AUH: variants seen among roughly 807,000 people sequenced by gnomAD.
The protein encoded by AUH is methylglutaconyl-CoA hydratase, mitochondrial.
A neutral mutation model predicts 42.3 loss-of-function variants in AUH; 29 were observed. That is an observed-to-expected ratio of 0.69 (90% CI 0.51 to 0.93). The LOEUF (loss-of-function observed/expected upper bound fraction) is 0.93. AUH is among the 40% of genes least tolerant of loss of function. The probability of loss-of-function intolerance (pLI) is 0.00; values close to 1 mark genes in which losing one functional copy is unlikely to be tolerated. For missense variants in AUH, 452 were observed against 438.1 expected, an observed-to-expected ratio of 1.03 and a Z score of -0.28; for synonymous variants, 174 against 166.4, an observed-to-expected ratio of 1.05 and a Z score of -0.35.
Position 91,359,895 on chromosome 9 carries a change from A to G in AUH, c.262+1733T>C, listed in dbSNP as rs17503822. 4.9e-3 allele frequency among the ~76,000 whole-genome samples: 740 copies of G among 152,322 alleles called. 4 individuals are homozygous for G. Among genetic ancestry groups the G allele is most frequent in the Admixed American group, 8.2e-3 (125 of 15,300 alleles). ...GCTGGTTCAACAGTAAAGCAAAGCA[A>G]AGCCTAGGTAATGTTAGCCAAGCCT... On this transcript the variant is annotated intron_variant, in intron 1 of 9. Coordinates refer to ENST00000375731, the MANE Select transcript of AUH (RefSeq NM_001698.3).
At chr9:91,350,429 T>C (rs1212139414) in intron 3 of AUH, among the ~76,000 whole-genome samples, 1 of 152,224 alleles carries the variant, frequency 6.6e-6, no homozygotes, top group East Asian at 1.9e-4. Flanking sequence ...TGAATTATTC[T>C]ATAGGAACTC....
At chr9:91,332,384 C>G (rs2131908435) in intron 3 of AUH, among the ~76,000 whole-genome samples, 1 of 152,234 alleles carries the variant, frequency 6.6e-6, no homozygotes, top group East Asian at 1.9e-4. Context: ...TGCCTGTAAT[C>G]TCGGCTACTT....
At chr9:91,308,461 C>G (rs1329708740) in intron 4 of AUH, among the ~76,000 whole-genome samples, 1 of 152,212 alleles carries the variant, frequency 6.6e-6, no homozygotes, top group African/African-American at 2.4e-5. Context: ...TCATTCTCCA[C>G]CATTCTTGAT....
At chr9:91,296,706 T>C (rs1034776406) in intron 5 of AUH, among the ~76,000 whole-genome samples, 6 of 152,250 alleles carry the variant, frequency 3.9e-5, no homozygotes, top group African/African-American at 7.2e-5. Context: ...ATGGATTACA[T>C]GTACCTTAGC....
At chr9:91,336,674 G>A (rs1360134686) in intron 3 of AUH, among the ~76,000 whole-genome samples, 8 of 148,648 alleles carry the variant, frequency 5.4e-5, no homozygotes, top group Middle Eastern at 3.5e-3. Flanking sequence ...ACACAGACTC[G>A]GTCTCCAGAA....
chr9:91,321,975 A>C (rs1829614005), intron 4 of AUH, among the ~76,000 whole-genome samples: 1 of 152,170 alleles, frequency 6.6e-6, no homozygotes, highest in Admixed American at 6.6e-5. Context: ...CCTGCCTGTG[A>C]TTTTTAACAT....
intron 3 of AUH, among the ~76,000 whole-genome samples, chr9:91,330,615 TA>T (rs1191954900): frequency 6.6e-6 from 1 of 152,110 alleles, no homozygotes. Context: ...TGATGTGTAC[TA>T]AAAGACATGT....
intron 6 of AUH, among the ~76,000 whole-genome samples, chr9:91,261,365 C>G (rs953680492): frequency 8.5e-5 from 13 of 152,200 alleles, no homozygotes; most frequent in Admixed American, 7.9e-4. Context: ...CCTACCAAAG[C>G]ATAATCCTTC....
At chr9:91,271,041 AG>A (rs1449264235) in intron 6 of AUH, among the ~76,000 whole-genome samples, 1 of 152,232 alleles carries the variant, frequency 6.6e-6, no homozygotes, top group Admixed American at 6.5e-5. Flanking sequence ...AATTTTTATT[AG>A]AAACATGTTT....
chr9:91,339,102 T>G (rs558153779), intron 3 of AUH, among the ~76,000 whole-genome samples: 1 of 152,218 alleles, frequency 6.6e-6, no homozygotes, highest in Non-Finnish European at 1.5e-5. Context: ...ATTACAGTAT[T>G]ACATACCTTC....
intron 5 of AUH, 88 bp downstream of exon 5, chr9:91,297,896 G>A: frequency 9.2e-7 from 1 of 1,081,920 alleles, no homozygotes; most frequent in South Asian, 1.3e-5. Context: ...TCAACAACAG[G>A]AAGCAGAATA....
chr9:91,332,663 AAC>A (rs1230947916), intron 3 of AUH, among the ~76,000 whole-genome samples: 1 of 152,194 alleles, frequency 6.6e-6, no homozygotes, highest in African/African-American at 2.4e-5. Flanking sequence ...AGAAGCCAGA[AAC>A]AGACACTTCA....
chr9:91,310,543 T>C (rs1393078826), intron 4 of AUH, among the ~76,000 whole-genome samples: 2 of 152,222 alleles, frequency 1.3e-5, no homozygotes, highest in African/African-American at 4.8e-5. Flanking sequence ...CATTTTCTGA[T>C]TCCACATCAA....
At chr9:91,288,653 C>T (rs983105723) in intron 6 of AUH, among the ~76,000 whole-genome samples, 2 of 152,080 alleles carry the variant, frequency 1.3e-5, no homozygotes, top group Non-Finnish European at 1.5e-5. Flanking sequence ...AGTCAAATTA[C>T]ATCCCATCTT....
At chr9:91,305,911 T>C (rs1383222090) in intron 4 of AUH, among the ~76,000 whole-genome samples, 1 of 152,104 alleles carries the variant, frequency 6.6e-6, no homozygotes, top group Non-Finnish European at 1.5e-5. Context: ...CATCCTTCCA[T>C]CCTTCCCCTA....
intron 6 of AUH, among the ~76,000 whole-genome samples, chr9:91,271,451 G>A (rs1825115008): frequency 6.6e-6 from 1 of 152,002 alleles, no homozygotes; most frequent in Non-Finnish European, 1.5e-5. Context: ...TTTTTTTTCT[G>A]AAATGTAATC....
intron 3 of AUH, among the ~76,000 whole-genome samples, chr9:91,333,734 CG>C (rs1224925751): frequency 6.6e-6 from 1 of 152,180 alleles, no homozygotes; most frequent in African/African-American, 2.4e-5. Flanking sequence ...AAAATCACAT[CG>C]TAATCAAGAA....
At chr9:91,354,916 A>G (rs1174474566) in intron 3 of AUH, among the ~76,000 whole-genome samples, 5 of 152,108 alleles carry the variant, frequency 3.3e-5, no homozygotes. Context: ...AGTCTTTCAC[A>G]TTGTTTAAAA....
intron 6 of AUH, among the ~76,000 whole-genome samples, chr9:91,268,426 C>T (rs1824823543): frequency 6.7e-6 from 1 of 150,276 alleles, no homozygotes. Context: ...CATAACACTT[C>T]CTAGACATTT....
Sources: allele counts gnomAD v4.1 joint callset (sites outside exome capture counted in the v4.1 genomes callset), GRCh38; gene constraint gnomAD v4.1.1; transcripts MANE v1.5; gene names NCBI Gene and HGNC (gene_info 2026-07-23, HGNC 2026-07-21).